LAMA2: variants seen among roughly 807,000 people sequenced by gnomAD.
LAMA2 encodes the protein laminin subunit alpha 2, also known as laminin subunit alpha-2.
In LAMA2, 269 loss-of-function variants were observed where a neutral mutation model predicts 364.8. The observed-to-expected ratio is 0.74, with a 90% CI of 0.67 to 0.82. The LOEUF is 0.82. Ranked by LOEUF, LAMA2 falls within the 40% of genes least tolerant of loss-of-function variation. The probability of loss-of-function intolerance (pLI) is 0.00; values close to 1 mark genes in which losing one functional copy is unlikely to be tolerated. For synonymous variants in LAMA2, 1,379 were observed against 1,370.6 expected (o/e 1.01, Z -0.14); for missense variants, 3,807 against 3,873.2 (o/e 0.98, Z 0.45).
intron 61 of LAMA2, 111 bp downstream of exon 61, chr6:129,505,466 A>T: frequency 1.2e-6 from 1 of 817,052 alleles, no homozygotes. Context: ...GTGAATAGGA[A>T]GTCATCTTTT....
intron 1 of LAMA2, among the ~76,000 whole-genome samples, chr6:128,904,032 T>C (rs998677666): frequency 2.0e-5 from 3 of 152,222 alleles, no homozygotes; most frequent in African/African-American, 7.2e-5. Context: ...TCAATAGTTT[T>C]ATCCATTCTA....
chr6:128,995,567 G>A (rs995863904), intron 1 of LAMA2, among the ~76,000 whole-genome samples: 30 of 152,042 alleles, frequency 2.0e-4, no homozygotes, highest in Non-Finnish European at 3.1e-4. Flanking sequence ...CAGGTGATCC[G>A]CCTGCCTTGG....
intron 10 of LAMA2, among the ~76,000 whole-genome samples, chr6:129,181,868 C>T (rs891296604): frequency 1.3e-4 from 19 of 151,676 alleles, no homozygotes; most frequent in Non-Finnish European, 5.9e-5. Context: ...TAAGTCTACC[C>T]CTAGTAGAAA....
chr6:129,360,915 C>T (rs1016643452), intron 32 of LAMA2, among the ~76,000 whole-genome samples: 15 of 152,040 alleles, frequency 9.9e-5, no homozygotes, highest in African/African-American at 1.4e-4. Flanking sequence ...ACTGAGAAAA[C>T]GATAGGTACT....
chr6:128,949,110 C>T (rs956752062), intron 1 of LAMA2, among the ~76,000 whole-genome samples: 1 of 152,052 alleles, frequency 6.6e-6, no homozygotes, highest in African/African-American at 2.4e-5. Flanking sequence ...ATCACAACTC[C>T]AGTGAGATAA....
chr6:129,397,938 GAAAAA>G (rs58131786), intron 37 of LAMA2, among the ~76,000 whole-genome samples: 4 of 103,504 alleles, frequency 3.9e-5, no homozygotes, highest in African/African-American at 8.1e-5. Flanking sequence ...CTCCGTCTCA[GAAAAA>G]AAAAAAAAAA....
intron 22 of LAMA2, among the ~76,000 whole-genome samples, chr6:129,312,233 A>C (rs564170933): frequency 8.1e-4 from 124 of 152,278 alleles, no homozygotes; most frequent in Middle Eastern, 3.4e-3. Flanking sequence ...TCGTGTATAC[A>C]TCTTGGGCGA....
chr6:129,459,211 G>A (rs1190804174), intron 48 of LAMA2, among the ~76,000 whole-genome samples: 1 of 152,068 alleles, frequency 6.6e-6, no homozygotes. Flanking sequence ...GTAGGCAGTT[G>A]TAACTCAATG....
intron 1 of LAMA2, among the ~76,000 whole-genome samples, chr6:128,982,877 T>G (rs1268364048): frequency 6.6e-6 from 1 of 151,026 alleles, no homozygotes; most frequent in Non-Finnish European, 1.5e-5. Flanking sequence ...TTTTTTGTCC[T>G]TGTGATAGTT....
intron 12 of LAMA2, among the ~76,000 whole-genome samples, chr6:129,202,200 A>AG (rs560539584): frequency 0.036 from 5,409 of 150,504 alleles, 136 homozygotes; most frequent in South Asian, 0.065. Context: ...AAAAAAAAAA[A>AG]AAAAAAAAAG....
intron 55 of LAMA2, among the ~76,000 whole-genome samples, chr6:129,481,951 C>T (rs1403504322): frequency 6.6e-6 from 1 of 152,148 alleles, no homozygotes; most frequent in Admixed American, 6.6e-5. Context: ...GCAAGTAGAA[C>T]ACAACCAACA....
At chr6:129,407,485 T>C (rs1343006511) in intron 40 of LAMA2, among the ~76,000 whole-genome samples, 1 of 152,204 alleles carries the variant, frequency 6.6e-6, no homozygotes, top group East Asian at 1.9e-4. Flanking sequence ...TGTCACATGA[T>C]AAAGGAAAAA....
At chr6:128,897,037 T>C (rs1236566095) in intron 1 of LAMA2, among the ~76,000 whole-genome samples, 1 of 152,220 alleles carries the variant, frequency 6.6e-6, no homozygotes, top group Admixed American at 6.5e-5. Flanking sequence ...AAAACTGAAA[T>C]GCAAAATGTT....
chr6:129,432,208 T>C (rs1198337824), intron 41 of LAMA2, among the ~76,000 whole-genome samples: 1 of 152,134 alleles, frequency 6.6e-6, no homozygotes, highest in Non-Finnish European at 1.5e-5. Context: ...CCAGGTGAAA[T>C]TGCTGATCCC....
At chr6:129,190,163 T>C (rs1318050820) in intron 10 of LAMA2, 42 bp from the exon 11 acceptor site, 2 of 1,606,472 alleles carry the variant, frequency 1.2e-6, no homozygotes, top group South Asian at 1.1e-5. Flanking sequence ...GCTCATAATG[T>C]TGAAGGATAC....
intron 1 of LAMA2, among the ~76,000 whole-genome samples, chr6:129,013,950 A>G (rs971051518): frequency 7.2e-5 from 11 of 152,286 alleles, no homozygotes; most frequent in African/African-American, 2.4e-4. Context: ...GGCAGCTGGA[A>G]TCAATAGTAC....
At chr6:129,241,797 G>A (rs1249046037) in intron 12 of LAMA2, among the ~76,000 whole-genome samples, 1 of 152,134 alleles carries the variant, frequency 6.6e-6, no homozygotes, top group Non-Finnish European at 1.5e-5. Flanking sequence ...ATTCTCCTCT[G>A]GAGTGTGACT....
chr6:129,142,459 A>ATT (rs111531778), intron 4 of LAMA2, among the ~76,000 whole-genome samples: 5,711 of 152,022 alleles, frequency 0.038, 366 homozygotes, highest in African/African-American at 0.13. Context: ...TCAGGATCTA[A>ATT]TTACCTACCA....
chr6:129,211,268 G>A (rs1783081807), intron 12 of LAMA2, among the ~76,000 whole-genome samples: 1 of 152,118 alleles, frequency 6.6e-6, no homozygotes, highest in Non-Finnish European at 1.5e-5. Context: ...CCCAGCCACA[G>A]AAAATGTGGC....
Sources: gnomAD v4.1 joint callset for allele counts (sites outside exome capture counted in the v4.1 genomes callset) on GRCh38, gnomAD v4.1.1 for gene constraint, MANE v1.5 for transcripts, NCBI Gene and HGNC (gene_info 2026-07-23, HGNC 2026-07-21) for gene names.